FBXW12: variants seen among roughly 807,000 people sequenced by gnomAD.
FBXW12 encodes F-box/WD repeat-containing protein 12.
FBXW12 carries 43 observed loss-of-function variants against 55.3 expected under a neutral mutation model. That is an observed-to-expected ratio of 0.78 (90% CI 0.61 to 1.00). FBXW12 has a LOEUF of 1.00. Ranked by LOEUF, FBXW12 falls within the 50% of genes least tolerant of loss-of-function variation. FBXW12 has a pLI of 0.00. For missense variants in FBXW12, 524 were observed against 560.5 expected (o/e 0.93, Z 0.66); for synonymous variants, 184 against 203.8 (o/e 0.90, Z 0.83).
chr3:48,378,272 T>A (rs1267646735), intron 5 of FBXW12, 45 bp from the exon 6 acceptor site: 1 of 1,416,354 alleles, frequency 7.1e-7, no homozygotes. Flanking sequence ...GCACAGTAGG[T>A]GTAAGGGTTC....
At chr3:48,381,910 T>C in intron 9 of FBXW12, 32 bp downstream of exon 9, 1 of 1,611,914 alleles carries the variant, frequency 6.2e-7, no homozygotes, top group Non-Finnish European at 8.5e-7. Flanking sequence ...TGCTTTTTGA[T>C]CTGACTTTGA....
intron 1 of FBXW12, 24 bp from the exon 2 acceptor site, chr3:48,372,660 G>T (rs1393545961): frequency 1.6e-5 from 25 of 1,599,052 alleles, no homozygotes; most frequent in Admixed American, 6.7e-5. Context: ...CACACAGATG[G>T]GCATGGGTGA....
chr3:48,373,794 C>A, intron 4 of FBXW12, 89 bp downstream of exon 4: 1 of 1,243,892 alleles, frequency 8.0e-7, no homozygotes, highest in Non-Finnish European at 1.1e-6. Flanking sequence ...GTTGTGTATT[C>A]TCATTCAGTA....
rs772526265 is a variant in FBXW12 at position 48,381,859 on chromosome 3, C to G, written c.1145C>G (p.Ala382Gly). The change falls in exon 9 of 11, where the codon GCC becomes GGC. Residue 382 changes from alanine (A) to glycine (G), a missense_variant. Transcript: ENST00000296438. Reference protein sequence around the residue: ...LLQRFEDHQAAINNFWVDPCY... With the variant: ...LLQRFEDHQAGINNFWVDPCY... ...CAACGATTTGAGGACCATCAGGCAG[C>G]CATCAACAACTTCTGGGTGGTATGT... 1 of 1,607,422 alleles carries G rather than the reference C, an allele frequency of 6.2e-7. No homozygotes were observed. The highest frequency in any genetic ancestry group is 8.5e-7 in the Non-Finnish European group (1 of 1,175,386).
At chr3:48,372,610 T>G in intron 1 of FBXW12, 74 bp from the exon 2 acceptor site, 1 of 1,516,082 alleles carries the variant, frequency 6.6e-7, no homozygotes, top group Non-Finnish European at 8.9e-7. Flanking sequence ...GGGGTGGAGG[T>G]CAGCCCGGGA....
intron 4 of FBXW12, among the ~76,000 whole-genome samples, chr3:48,374,072 A>G (rs1019789166): frequency 6.6e-6 from 1 of 152,174 alleles, no homozygotes; most frequent in Non-Finnish European, 1.5e-5. Flanking sequence ...TAATCCCAGA[A>G]CTTTGAAAGG....
At chr3:48,389,324 T>C (rs945503775) in intron 10 of FBXW12, among the ~76,000 whole-genome samples, 1 of 152,218 alleles carries the variant, frequency 6.6e-6, no homozygotes, top group Non-Finnish European at 1.5e-5. Context: ...TCTACCATTC[T>C]ATAGGTTGTC....
chr3:48,390,843 T>A (rs2036914803), intron 10 of FBXW12, among the ~76,000 whole-genome samples: 1 of 152,188 alleles, frequency 6.6e-6, no homozygotes, highest in Non-Finnish European at 1.5e-5. Flanking sequence ...TGATTGGCCC[T>A]CAGTTTAAAC....
intron 5 of FBXW12, among the ~76,000 whole-genome samples, chr3:48,377,851 A>C (rs1218514969): frequency 6.6e-6 from 1 of 152,240 alleles, no homozygotes; most frequent in Non-Finnish European, 1.5e-5. Context: ...TAAAGGCTAA[A>C]GAATCATCTA....
intron 10 of FBXW12, among the ~76,000 whole-genome samples, chr3:48,392,210 T>A (rs2036938404): frequency 6.6e-6 from 1 of 152,114 alleles, no homozygotes; most frequent in African/African-American, 2.4e-5. Context: ...CCCAGCACTT[T>A]GGGAGGCCAA....
intron 2 of FBXW12, 127 bp downstream of exon 2, chr3:48,372,984 G>T: frequency 2.2e-6 from 2 of 927,608 alleles, no homozygotes; most frequent in Non-Finnish European, 3.5e-6. Context: ...CATACTGAGG[G>T]CCTCATATTC....
Position 48,381,615 on chromosome 3 carries a change from A to G in FBXW12, c.986-85A>G, listed in dbSNP as rs1267181513. ...AAGTGGGGACTATGCTTTTTTATTCAGTGTGAGGATATTATTATTCAATGA... is the reference window on the plus strand; with the variant it reads ...AAGTGGGGACTATGCTTTTTTATTCGGTGTGAGGATATTATTATTCAATGA... On this transcript the variant is annotated intron_variant, in intron 8 of 10. Coordinates refer to ENST00000296438, the MANE Select transcript of FBXW12 (RefSeq NM_207102.2). The G allele has an allele frequency of 6.5e-6, 9 of 1,393,352 alleles. No homozygotes were observed. The East Asian group carries it at 9.5e-5, about 15-fold the overall frequency. The allele number at this position is 1,393,352 out of a possible 1,614,324, so 86.3% of individuals were successfully genotyped here. A position where few individuals can be genotyped will look rare whatever the true frequency, so the allele number is the denominator to read the frequency against.
intron 10 of FBXW12, among the ~76,000 whole-genome samples, chr3:48,385,406 A>G (rs543729451): frequency 1.8e-4 from 28 of 151,454 alleles, no homozygotes; most frequent in Non-Finnish European, 2.8e-4. Flanking sequence ...TTCTTTATCC[A>G]TTCATCCATT....
At chr3:48,374,455 G>A (rs1395929851) in intron 4 of FBXW12, among the ~76,000 whole-genome samples, 1 of 151,896 alleles carries the variant, frequency 6.6e-6, no homozygotes, top group Non-Finnish European at 1.5e-5. Context: ...AGCCCCCTGA[G>A]TAGCTGGGAT....
chr3:48,378,818 C>A (rs9311423), intron 6 of FBXW12, among the ~76,000 whole-genome samples: 60,521 of 151,348 alleles, frequency 0.4, 12,145 homozygotes, highest in Non-Finnish European at 0.46. Flanking sequence ...CCAGGCTGGT[C>A]TTGAACTCCT....
At chr3:48,375,522 T>C (rs2036670435) in intron 5 of FBXW12, 50 bp downstream of exon 5, 1 of 1,088,688 alleles carries the variant, frequency 9.2e-7, no homozygotes, top group Admixed American at 2.4e-5. Flanking sequence ...GCATCCATCC[T>C]GTTCTATATA....
chr3:48,377,546 C>T (rs1436843262), intron 5 of FBXW12, among the ~76,000 whole-genome samples: 4 of 152,218 alleles, frequency 2.6e-5, no homozygotes, highest in Non-Finnish European at 5.9e-5. Context: ...CCCAGTCAAG[C>T]TACCCCTGAA....
intron 5 of FBXW12, among the ~76,000 whole-genome samples, chr3:48,375,953 G>T (rs529532318): frequency 6.7e-6 from 1 of 149,100 alleles, no homozygotes; most frequent in Non-Finnish European, 1.5e-5. Context: ...GAGATTACAG[G>T]CGTGAGCCAC....
rs916973912 is a variant in FBXW12, at chr3:48,389,204, TG to T, written c.1296-5355del. On this transcript the variant is annotated intron_variant, in intron 10 of 10. Transcript: ENST00000296438. ...CCAGGAGTTCAAGGCTGCATTGAGC[TG>T]TCCATGTTTGCCCATTTTTTAATGG... Among the ~76,000 whole-genome samples, 3 of 152,282 alleles carry T rather than the reference TG, an allele frequency of 2.0e-5. No individual in the cohort carries two copies. The East Asian group carries it at 5.8e-4, about 29-fold the overall frequency.
Sources: allele counts gnomAD v4.1 joint callset (sites outside exome capture counted in the v4.1 genomes callset), GRCh38; gene constraint gnomAD v4.1.1; transcripts MANE v1.5; gene names NCBI Gene and HGNC (gene_info 2026-07-23, HGNC 2026-07-21).